The following MTHFD1L variants were observed in gnomAD, a reference collection of about 807,000 sequenced individuals.
The protein encoded by MTHFD1L is methylenetetrahydrofolate dehydrogenase (NADP+ dependent) 1 like, also known as monofunctional C1-tetrahydrofolate synthase, mitochondrial.
A neutral mutation model predicts 119.5 loss-of-function variants in MTHFD1L; 81 were observed. The ratio of observed to expected loss-of-function variants is 0.68; its 90% confidence interval spans 0.57 to 0.82. The LOEUF is 0.82. Ranked by LOEUF, MTHFD1L falls within the 40% of genes least tolerant of loss-of-function variation. The pLI is 0.00. For missense variants in MTHFD1L, 1,125 were observed against 1,253.4 expected (o/e 0.90, Z 1.55); for synonymous variants, 430 against 475.2 (o/e 0.90, Z 1.24).
At chr6:151,078,025 C>A (rs1183493352) in intron 26 of MTHFD1L, among the ~76,000 whole-genome samples, 3 of 123,846 alleles carry the variant, frequency 2.4e-5, no homozygotes, top group African/African-American at 9.0e-5. Context: ...TGCACTCCAG[C>A]CTGGGCGACA....
intron 26 of MTHFD1L, among the ~76,000 whole-genome samples, chr6:151,088,644 T>C (rs1314181672): frequency 6.9e-6 from 1 of 145,652 alleles, no homozygotes; most frequent in South Asian, 2.2e-4. Flanking sequence ...TTTTTTTTTG[T>C]ATTTGTAGAA....
intron 27 of MTHFD1L, among the ~76,000 whole-genome samples, chr6:151,097,637 G>A (rs1415733824): frequency 6.6e-6 from 1 of 152,104 alleles, no homozygotes; most frequent in Non-Finnish European, 1.5e-5. Flanking sequence ...GTTGGTTATG[G>A]GTACAAACAT....
chr6:151,053,817 G>A (rs1362610054), intron 26 of MTHFD1L, among the ~76,000 whole-genome samples: 2 of 151,086 alleles, frequency 1.3e-5, no homozygotes, highest in Non-Finnish European at 2.9e-5. Context: ...CCGAGATTGT[G>A]GCACTGTACT....
chr6:150,992,841 T>G (rs539268151), intron 20 of MTHFD1L, among the ~76,000 whole-genome samples: 1 of 152,300 alleles, frequency 6.6e-6, no homozygotes, highest in East Asian at 1.9e-4. Context: ...GCTACGACTC[T>G]CTCTGCAAAC....
At chr6:150,876,897 T>G (rs1355087611) in intron 2 of MTHFD1L, among the ~76,000 whole-genome samples, 1 of 152,208 alleles carries the variant, frequency 6.6e-6, no homozygotes, top group Non-Finnish European at 1.5e-5. Flanking sequence ...GTTACTTACA[T>G]TCTCTGGGAT....
chr6:150,983,210 T>C (rs1420234553), intron 20 of MTHFD1L, among the ~76,000 whole-genome samples: 1 of 152,218 alleles, frequency 6.6e-6, no homozygotes, highest in Non-Finnish European at 1.5e-5. Flanking sequence ...AAATATCTTC[T>C]CCCCTGTATG....
chr6:150,891,731 T>C (rs1421744688), intron 7 of MTHFD1L, among the ~76,000 whole-genome samples: 3 of 151,912 alleles, frequency 2.0e-5, no homozygotes, highest in Non-Finnish European at 2.9e-5. Context: ...GCAATAGGTG[T>C]TGTCTAGGTA....
intron 26 of MTHFD1L, among the ~76,000 whole-genome samples, chr6:151,063,609 A>T (rs1421305031): frequency 6.6e-6 from 1 of 152,180 alleles, no homozygotes; most frequent in Non-Finnish European, 1.5e-5. Context: ...CCCTGTTCAA[A>T]ATTTTATGCT....
chr6:150,964,297 C>T (rs555159861), intron 18 of MTHFD1L, among the ~76,000 whole-genome samples: 1 of 152,228 alleles, frequency 6.6e-6, no homozygotes, highest in Admixed American at 6.5e-5. Flanking sequence ...TTTTCTTCAT[C>T]CAGGAACAGA....
intron 7 of MTHFD1L, among the ~76,000 whole-genome samples, chr6:150,899,928 A>C (rs947739936): frequency 5.3e-5 from 8 of 151,396 alleles, no homozygotes; most frequent in Non-Finnish European, 8.8e-5. Context: ...CTGAGATTGC[A>C]CCACTGCACT....
intron 24 of MTHFD1L, among the ~76,000 whole-genome samples, chr6:151,027,133 G>A (rs1257245388): frequency 6.6e-6 from 1 of 151,860 alleles, no homozygotes; most frequent in Non-Finnish European, 1.5e-5. Context: ...CAGGCCTCCT[G>A]TCCTTTCTTT....
At chr6:150,960,745 T>G (rs567397360) in intron 18 of MTHFD1L, among the ~76,000 whole-genome samples, 70 of 152,256 alleles carry the variant, frequency 4.6e-4, no homozygotes, top group Admixed American at 2.2e-3. Flanking sequence ...TTTTAAAAAA[T>G]GTACCTTCTA....
Position 151,046,469 on chromosome 6 carries a change from GTGTATATATATATATATATATATATATA to G in MTHFD1L, c.2847+9354_2847+9381del, listed in dbSNP as rs1416543408. Among the ~76,000 whole-genome samples the G allele has an allele frequency of 3.1e-4, 36 of 116,850 alleles. 1 individual carries two copies. The highest frequency in any genetic ancestry group is 1.1e-3 in the South Asian group (4 of 3,792). The allele number at this position is 116,850 out of a possible 152,430, so 76.7% of individuals were successfully genotyped here. A position where few individuals can be genotyped will look rare whatever the true frequency, so the allele number is the denominator to read the frequency against. The stretch of plus-strand genomic sequence containing the variant: ...ATATATATATATATAATATGTGTGT[GTGTATATATATATATATATATATATATA>G]TATATATATATATATATAGACTCAT... On this transcript the variant is annotated intron_variant, in intron 26 of 27. Coordinates refer to ENST00000367321, the MANE Select transcript of MTHFD1L (RefSeq NM_015440.5).
intron 26 of MTHFD1L, among the ~76,000 whole-genome samples, chr6:151,050,615 G>A (rs6928026): frequency 0.53 from 79,888 of 151,962 alleles, 21,777 homozygotes; most frequent in African/African-American, 0.67. Context: ...CCAGACTTGC[G>A]ACTGGTATGG....
intron 26 of MTHFD1L, among the ~76,000 whole-genome samples, chr6:151,086,237 A>C (rs754736436): frequency 6.6e-6 from 1 of 152,158 alleles, no homozygotes; most frequent in East Asian, 1.9e-4. Context: ...TTGCAACTGT[A>C]GCAGCACAAT....
At chr6:150,879,498 A>G (rs146440031) in intron 4 of MTHFD1L, among the ~76,000 whole-genome samples, 15,188 of 151,704 alleles carry the variant, frequency 0.1, 886 homozygotes, top group Middle Eastern at 0.17. Context: ...CATGTTGACC[A>G]GGCTGGTCTT....
At position 150,903,203 on chromosome 6, in the gene MTHFD1L, A is replaced by ATTCTTTTTTTTTTT. The variant is rs1562348409; in HGVS notation, c.781-2445_781-2444insCTTTTTTTTTTTTT. The stretch of plus-strand genomic sequence containing the variant: ...GATTGCTGGTGATATTGGCTGCAAA[A>ATTCTTTTTTTTTTT]TTTTTTTTTTTTTTTTTTTTTTTTT... On this transcript the variant is annotated intron_variant, in intron 7 of 27. Coordinates refer to ENST00000367321, the MANE Select transcript of MTHFD1L (RefSeq NM_015440.5). 4.8e-4 allele frequency among the ~76,000 whole-genome samples: 41 copies of ATTCTTTTTTTTTTT among 85,474 alleles called. 4 individuals are homozygous for ATTCTTTTTTTTTTT. Among genetic ancestry groups the ATTCTTTTTTTTTTT allele is most frequent in the African/African-American group, 2.0e-3 (39 of 19,990 alleles). The allele number at this position is 85,474 out of a possible 152,430, so 56.1% of individuals were successfully genotyped here.
At chr6:150,950,930 A>C (rs1028596323) in intron 16 of MTHFD1L, among the ~76,000 whole-genome samples, 21 of 151,974 alleles carry the variant, frequency 1.4e-4, no homozygotes, top group African/African-American at 5.1e-4. Context: ...CAGCCTCCCA[A>C]AGTGCTGGGA....
intron 17 of MTHFD1L, among the ~76,000 whole-genome samples, chr6:150,958,463 A>G (rs1407077106): frequency 1.3e-5 from 2 of 152,204 alleles, no homozygotes; most frequent in South Asian, 2.1e-4. Context: ...GCAGAGTCCA[A>G]GAGGATACAA....
Sources: allele counts gnomAD v4.1 joint callset (sites outside exome capture counted in the v4.1 genomes callset), GRCh38; gene constraint gnomAD v4.1.1; transcripts MANE v1.5; gene names NCBI Gene and HGNC (gene_info 2026-07-23, HGNC 2026-07-21).